The following PDE1A variants were observed in gnomAD, a reference collection of about 807,000 sequenced individuals.
The protein encoded by PDE1A is dual specificity calcium/calmodulin-dependent 3',5'-cyclic nucleotide phosphodiesterase 1A.
Under a neutral mutation model 61.7 loss-of-function variants are expected in PDE1A, and 35 were observed. That is an observed-to-expected ratio of 0.57 (90% CI 0.43 to 0.75). The LOEUF (loss-of-function observed/expected upper bound fraction) is 0.75, where lower values mean the gene tolerates loss of function less well. Ranked by LOEUF, PDE1A falls within the 30% of genes least tolerant of loss-of-function variation. The probability of loss-of-function intolerance (pLI) is 0.00; values close to 1 mark genes in which losing one functional copy is unlikely to be tolerated. For synonymous variants in PDE1A, 232 were observed against 213.2 expected (o/e 1.09, Z -0.77); for missense variants, 597 against 630.6 (o/e 0.95, Z 0.57).
chr2:182,146,478 A>G (rs1272440501), downstream of PDE1A, among the ~76,000 whole-genome samples: 1 of 152,020 alleles, frequency 6.6e-6, no homozygotes, highest in African/African-American at 2.4e-5. Flanking sequence ...GAACGTATTT[A>G]TTATTGTTAT....
chr2:182,427,016 A>G lies in PDE1A; in HGVS notation c.-386T>C. 2.0e-6 allele frequency: 2 copies of G among 997,404 alleles called. No homozygotes were observed. The highest frequency in any genetic ancestry group is 2.4e-6 in the Non-Finnish European group (2 of 838,034). The allele number at this position is 997,404 out of a possible 1,614,324, so 61.8% of individuals were successfully genotyped here. On this transcript the variant is annotated 5_prime_UTR_variant, in exon 1 of 14. It removes an upstream start codon present in the reference 5' UTR. Coordinates refer to ENST00000351439, the Ensembl canonical transcript of PDE1A. The stretch of plus-strand genomic sequence containing the variant: ...GCAGCCATGAGAGCTCTCCTTCCAC[A>G]TGCTGGTCAAGCTCCGAAAGGCTAA...
chr2:182,712,055 A>C, the PDE1A span, among the ~76,000 whole-genome samples: 1 of 152,264 alleles, frequency 6.6e-6, no homozygotes, highest in Admixed American at 6.5e-5. Context: ...TGCAGCCTGC[A>C]ATGGATAGAC....
At chr2:182,683,493 T>C in the PDE1A span, among the ~76,000 whole-genome samples, 1 of 151,882 alleles carries the variant, frequency 6.6e-6, no homozygotes, top group Non-Finnish European at 1.5e-5. Flanking sequence ...GATCCAAAGG[T>C]AAAAAATGAA....
At chr2:182,591,850 T>C in the PDE1A span, among the ~76,000 whole-genome samples, 22 of 152,362 alleles carry the variant, frequency 1.4e-4, 1 homozygote, top group Middle Eastern at 0.01. Flanking sequence ...AACCAATTCA[T>C]ACATCTTGAG....
chr2:182,250,116 C>T (rs1300080734), intron 2 of PDE1A, among the ~76,000 whole-genome samples: 1 of 152,090 alleles, frequency 6.6e-6, no homozygotes, highest in Non-Finnish European at 1.5e-5. Flanking sequence ...ATACTGAGTA[C>T]CCAGACTGCC....
chr2:182,488,710 C>G (rs1688184238), intron 2 of PDE1A, among the ~76,000 whole-genome samples: 1 of 152,118 alleles, frequency 6.6e-6, no homozygotes, highest in African/African-American at 2.4e-5. Context: ...TTGTAATTTG[C>G]CCACCAAATT....
chr2:182,396,401 G>A (rs1165199944), intron 1 of PDE1A, among the ~76,000 whole-genome samples: 1 of 152,246 alleles, frequency 6.6e-6, no homozygotes, highest in African/African-American at 2.4e-5. Flanking sequence ...CCAATGGTTT[G>A]GCTGGGTGGC....
chr2:182,699,336 T>G, the PDE1A span, among the ~76,000 whole-genome samples: 1 of 152,200 alleles, frequency 6.6e-6, no homozygotes, highest in Non-Finnish European at 1.5e-5. Context: ...TCACTAAGTG[T>G]CACATTTTGG....
chr2:182,470,127 G>A (rs1402000180), intron 2 of PDE1A, among the ~76,000 whole-genome samples: 1 of 151,922 alleles, frequency 6.6e-6, no homozygotes, highest in African/African-American at 2.4e-5. Flanking sequence ...TTGGTCAACA[G>A]AGGGTTCCCA....
intron 13 of PDE1A, among the ~76,000 whole-genome samples, chr2:182,162,313 C>G (rs1341113353): frequency 6.6e-6 from 1 of 152,122 alleles, no homozygotes; most frequent in Admixed American, 6.6e-5. Context: ...ACAGCAGAGG[C>G]AAAGCAACAA....
chr2:182,699,391 T>A, the PDE1A span, among the ~76,000 whole-genome samples: 12 of 152,202 alleles, frequency 7.9e-5, no homozygotes, highest in African/African-American at 2.9e-4. Context: ...ACTTTTTGGT[T>A]TCGGAAAATT....
intron 1 of PDE1A, among the ~76,000 whole-genome samples, chr2:182,409,488 T>C (rs1049712463): frequency 1.3e-5 from 2 of 152,224 alleles, no homozygotes; most frequent in Non-Finnish European, 2.9e-5. Flanking sequence ...ATTCTGTGAA[T>C]ACACAACATA....
At chr2:182,470,565 T>A (rs1686962259) in intron 2 of PDE1A, among the ~76,000 whole-genome samples, 1 of 151,858 alleles carries the variant, frequency 6.6e-6, no homozygotes. Context: ...GATAACACTG[T>A]GAAGTCAGTA....
At chr2:182,441,056 G>A (rs1684759866) in intron 2 of PDE1A, among the ~76,000 whole-genome samples, 1 of 152,010 alleles carries the variant, frequency 6.6e-6, no homozygotes, top group African/African-American at 2.4e-5. Context: ...TGGCTGGGGA[G>A]GCCTCATAAT....
At chr2:182,540,448 C>G in the PDE1A span, among the ~76,000 whole-genome samples, 1 of 150,746 alleles carries the variant, frequency 6.6e-6, no homozygotes. Context: ...CACTTTAGTG[C>G]ATGAAGGAGA....
At position 182,491,422 on chromosome 2, in the gene PDE1A, TGA is replaced by T. The variant is rs1207174666; in HGVS notation, c.101+30852_101+30853del. On this transcript the variant is annotated intron_variant, in intron 2 of 14. Transcript: ENST00000410103. ...GGCACATGGGAGGAGCAGAAAGGAA[TGA>T]GAGAGGCAGTGTGAAGGTACAAAGA... Among the ~76,000 whole-genome samples, 15 of 152,156 alleles carry T rather than the reference TGA, an allele frequency of 9.9e-5. No individual in the cohort carries two copies. The South Asian group carries it at 2.9e-3, about 29-fold the overall frequency.
At chr2:182,411,737 G>A (rs893537473) in intron 1 of PDE1A, among the ~76,000 whole-genome samples, 2 of 152,076 alleles carry the variant, frequency 1.3e-5, no homozygotes, top group Non-Finnish European at 1.5e-5. Context: ...CTGGAATCTT[G>A]TGGGTAGAGA....
the PDE1A span, among the ~76,000 whole-genome samples, chr2:182,573,972 TACACAC>T: frequency 5.6e-5 from 8 of 142,742 alleles, no homozygotes; most frequent in Non-Finnish European, 9.1e-5. Flanking sequence ...TATTTTTTTA[TACACAC>T]ACACACACAC....
intron 2 of PDE1A, among the ~76,000 whole-genome samples, chr2:182,463,133 C>T (rs1221966440): frequency 6.6e-6 from 1 of 151,710 alleles, no homozygotes; most frequent in Non-Finnish European, 1.5e-5. Context: ...ACCAGCTACT[C>T]GGGAGGCTGA....
Sources: gnomAD v4.1 joint callset for allele counts (sites outside exome capture counted in the v4.1 genomes callset) on GRCh38, gnomAD v4.1.1 for gene constraint, MANE v1.5 for transcripts, NCBI Gene and HGNC (gene_info 2026-07-23, HGNC 2026-07-21) for gene names.